NPY1R: variants seen among roughly 807,000 people sequenced by gnomAD.
NPY1R encodes the protein neuropeptide Y receptor Y1, also known as neuropeptide Y receptor type 1.
NPY1R carries 10 observed loss-of-function variants against 24.1 expected under a neutral mutation model. The ratio of observed to expected loss-of-function variants is 0.42; its 90% CI spans 0.26 to 0.71. The LOEUF (loss-of-function observed/expected upper bound fraction) is 0.71, where lower values mean the gene tolerates loss of function less well. NPY1R is among the 30% of genes least tolerant of loss of function. The probability of loss-of-function intolerance (pLI) is 0.28; values close to 1 mark genes in which losing one functional copy is unlikely to be tolerated. For synonymous variants in NPY1R, 168 were observed against 165.9 expected (o/e 1.01, Z -0.10); for missense variants, 350 against 458.0 (o/e 0.76, Z 2.15).
rs1198705561 is a variant in NPY1R, at chr4:163,325,959, A to C, written c.596T>G (p.Phe199Cys). 1.2e-6 allele frequency: 2 copies of C among 1,614,126 alleles called. No individual in the cohort carries two copies. The stretch of plus-strand genomic sequence containing the variant: ...ATGAGAGTCCGATGGAAATTGATCA[A>C]AGCACACGTATTTGTCTTTGTACGC... ...LDAYKDKYVC[F>C]DQFPSDSHRL... Residue 199 changes from phenylalanine (F) to cysteine (C), a missense_variant, in exon 2 of 3, where the codon TTT becomes TGT. Coordinates refer to ENST00000296533, the MANE Select transcript of NPY1R (RefSeq NM_000909.6).
upstream of NPY1R, among the ~76,000 whole-genome samples, chr4:163,336,284 A>T (rs975827800): frequency 6.6e-6 from 1 of 152,202 alleles, no homozygotes; most frequent in Non-Finnish European, 1.5e-5. Context: ...ATACTTTCAG[A>T]TACCCTTTAG....
chr4:163,344,647 C>T (rs1001010596), exon 1 of NPY1R: 1 of 152,228 alleles, frequency 6.6e-6, no homozygotes, highest in African/African-American at 2.4e-5. Context: ...CAAATGCGAG[C>T]AATAACAAAC....
rs777844159 is a variant in NPY1R, at chr4:163,325,430, C to T, written c.1028G>A (p.Arg343Gln). The T allele has an allele frequency of 9.3e-6, 15 of 1,613,904 alleles. No individual in the cohort carries two copies. The highest frequency in any genetic ancestry group is 2.7e-5 in the African/African-American group (2 of 74,872). ...FFFNFCDFRS[R>Q]DDDYETIAMS... ...GGCTATTGTTTCATAATCATCATCC[C>T]GAGACCGGAAATCACAAAAGTTGAA... Residue 343 changes from arginine to glutamine, a missense_variant, in exon 3 of 3, where the codon CGG (arginine) becomes CAG (glutamine). Transcript: ENST00000296533.
At chr4:163,336,602 T>G (rs1005736661), upstream of NPY1R, among the ~76,000 whole-genome samples, 1 of 152,184 alleles carries the variant, frequency 6.6e-6, no homozygotes, top group Non-Finnish European at 1.5e-5. Flanking sequence ...ACACTTCAGA[T>G]GGCCAATGTC....
At chr4:163,335,726 C>A (rs905280857), upstream of NPY1R, among the ~76,000 whole-genome samples, 5 of 151,476 alleles carry the variant, frequency 3.3e-5, no homozygotes, top group East Asian at 5.8e-4. Context: ...CAGGATTTTC[C>A]TTCTTTCTGT....
chr4:163,325,422 C>G lies in NPY1R; in HGVS notation c.1036G>C (p.Asp346His), dbSNP rs1221714149. The change falls in exon 3 of 3, where the codon GAT (aspartate) becomes CAT (histidine). Residue 346 changes from aspartate (D) to histidine (H), a missense_variant. Transcript: ENST00000296533. ...NFCDFRSRDD[D>H]YETIAMSTMH... is the part of the protein sequence containing the mutation. Reference sequence around the variant, plus strand: ...GTGGACATGGCTATTGTTTCATAATCATCATCCCGAGACCGGAAATCACAA... The same window carrying G: ...GTGGACATGGCTATTGTTTCATAATGATCATCCCGAGACCGGAAATCACAA... 6.2e-7 allele frequency: 1 copy of G among 1,614,072 alleles called. No individual in the cohort carries two copies.
intron 1 of NPY1R, among the ~76,000 whole-genome samples, chr4:163,342,841 T>C (rs956556604): frequency 6.6e-6 from 1 of 152,198 alleles, no homozygotes; most frequent in African/African-American, 2.4e-5. Context: ...AGATGCTGTC[T>C]GTTACATAAT....
At chr4:163,339,290 C>T (rs1277715110) in intron 1 of NPY1R, among the ~76,000 whole-genome samples, 1 of 152,158 alleles carries the variant, frequency 6.6e-6, no homozygotes, top group Non-Finnish European at 1.5e-5. Context: ...CTCTTACCAA[C>T]CCTTTACATT....
rs1734618343 is a variant in NPY1R, at chr4:163,326,709, T to C, written c.-151-4A>G. 1.9e-6 allele frequency: 1 copy of C among 534,624 alleles called. No individual in the cohort carries two copies. Among genetic ancestry groups the C allele is most frequent in the Non-Finnish European group, 3.2e-6 (1 of 308,426 alleles). 33.1% of individuals were successfully genotyped at this position (534,624 alleles called of 1,614,324 possible). The stretch of plus-strand genomic sequence containing the variant: ...TCATTCCCTTGAACTGAACAATCTG[T>C]AAAGAGAAAATGACCAATTGCATTA... On this transcript the variant is annotated splice_polypyrimidine_tract_variant and splice_region_variant and intron_variant, in intron 1 of 2. Coordinates refer to ENST00000296533, the MANE Select transcript of NPY1R (RefSeq NM_000909.6).
At chr4:163,337,564 C>T (rs1043777472), upstream of NPY1R, among the ~76,000 whole-genome samples, 6 of 152,118 alleles carry the variant, frequency 3.9e-5, no homozygotes, top group Non-Finnish European at 5.9e-5. Context: ...GTTTCCCAGC[C>T]GAGGCCCCAA....
At chr4:163,340,071 C>G (rs113434660) in intron 1 of NPY1R, among the ~76,000 whole-genome samples, 26 of 152,044 alleles carry the variant, frequency 1.7e-4, no homozygotes, top group African/African-American at 6.3e-4. Flanking sequence ...TATAAACAAA[C>G]CGTTTCCCTT....
At chr4:163,334,835 G>C (rs1296283389), upstream of NPY1R, among the ~76,000 whole-genome samples, 1 of 149,232 alleles carries the variant, frequency 6.7e-6, no homozygotes, top group Non-Finnish European at 1.5e-5. Flanking sequence ...ACTCCAGCCT[G>C]GGCAACAGAG....
intron 1 of NPY1R, among the ~76,000 whole-genome samples, chr4:163,343,194 G>T (rs13121582): frequency 6.7e-6 from 1 of 149,426 alleles, no homozygotes; most frequent in Non-Finnish European, 1.5e-5. Context: ...TTTTTAACCT[G>T]TGACAATTCG....
intron 1 of NPY1R, among the ~76,000 whole-genome samples, chr4:163,327,971 A>G (rs938911584): frequency 6.6e-6 from 1 of 152,180 alleles, no homozygotes; most frequent in African/African-American, 2.4e-5. Flanking sequence ...AAAATCATGC[A>G]GAGTTACTTC....
intron 1 of NPY1R, among the ~76,000 whole-genome samples, chr4:163,328,053 C>A (rs1031992918): frequency 6.7e-6 from 1 of 150,252 alleles, no homozygotes; most frequent in South Asian, 2.1e-4. Flanking sequence ...TCTAATAAAC[C>A]TTTCCTTTAA....
At chr4:163,337,493 G>GCAA (rs1734869216), upstream of NPY1R, among the ~76,000 whole-genome samples, 1 of 151,946 alleles carries the variant, frequency 6.6e-6, no homozygotes, top group African/African-American at 2.4e-5. Flanking sequence ...CCTCCTTTTG[G>GCAA]CAATAGTTCT....
rs1458184247 is a variant in NPY1R, at chr4:163,325,384, A to G, written c.1074T>C (p.Asp358=). The change falls in exon 3 of 3, where the codon GAT becomes GAC. Residue 358 remains aspartate, a synonymous_variant. Transcript: ENST00000296533. ...ETIAMSTMHT[D]VSKTSLKQAS... is the part of the protein sequence containing the mutation. ...CTTGCTTCAAAGAAGTTTTGGAAAC[A>G]TCTGTGTGCATCGTGGACATGGCTA... 2 of 1,614,014 alleles carry G rather than the reference A, an allele frequency of 1.2e-6. No individual in the cohort carries two copies.
rs1578930575 is a variant in NPY1R, at chr4:163,325,057, T to A, written c.*246A>T. 1 of 459,372 alleles carries A rather than the reference T, an allele frequency of 2.2e-6. No individual in the cohort carries two copies. The highest frequency in any genetic ancestry group is 3.9e-5 in the East Asian group (1 of 25,684). The allele number at this position is 459,372 out of a possible 1,614,324, so 28.5% of individuals were successfully genotyped here. ...AAAGTCTTTATATTATATGCATAAATTCACAAAAAGCACTTCAAAGATGTC... is the reference window on the plus strand; with the variant it reads ...AAAGTCTTTATATTATATGCATAAAATCACAAAAAGCACTTCAAAGATGTC... On this transcript the variant is annotated 3_prime_UTR_variant, in exon 3 of 3. Coordinates refer to ENST00000296533, the MANE Select transcript of NPY1R (RefSeq NM_000909.6).
At chr4:163,336,585 C>T (rs527271784), upstream of NPY1R, among the ~76,000 whole-genome samples, 9 of 152,192 alleles carry the variant, frequency 5.9e-5, no homozygotes, top group Non-Finnish European at 8.8e-5. Flanking sequence ...GACTTTCTCA[C>T]AGCACAACAC....
Sources: gnomAD v4.1 joint callset for allele counts (sites outside exome capture counted in the v4.1 genomes callset) on GRCh38, gnomAD v4.1.1 for gene constraint, MANE v1.5 for transcripts, NCBI Gene and HGNC (gene_info 2026-07-23, HGNC 2026-07-21) for gene names.